Variants in ARHGAP44 observed in about 807,000 individuals in gnomAD.
The protein encoded by ARHGAP44 is Rho GTPase activating protein 44.
A neutral mutation model predicts 106.8 loss-of-function variants in ARHGAP44; 43 were observed. The observed-to-expected ratio is 0.40, with a 90% CI of 0.32 to 0.52. The LOEUF (loss-of-function observed/expected upper bound fraction) is 0.52. Ranked by LOEUF, ARHGAP44 falls within the 20% of genes least tolerant of loss-of-function variation. The pLI, the probability that ARHGAP44 is intolerant of heterozygous loss-of-function variation, is 0.48. For missense variants in ARHGAP44, 866 were observed against 1,050.5 expected (o/e 0.82, Z 2.43); for synonymous variants, 439 against 410.3 (o/e 1.07, Z -0.85).
At chr17:12,979,914 T>G in intron 18 of ARHGAP44, 144 bp from the exon 19 acceptor site, 3 of 846,384 alleles carry the variant, frequency 3.5e-6, no homozygotes, top group Non-Finnish European at 5.2e-6. Flanking sequence ...CCTGCGAAGG[T>G]TTTAGGAAGG....
At chr17:12,796,390 T>C (rs1463454395) in intron 1 of ARHGAP44, among the ~76,000 whole-genome samples, 1 of 152,188 alleles carries the variant, frequency 6.6e-6, no homozygotes, top group African/African-American at 2.4e-5. Context: ...GTCTTAGAAA[T>C]GTAATTGCTG....
chr17:12,890,994 A>G (rs769040470), intron 1 of ARHGAP44, among the ~76,000 whole-genome samples: 14 of 152,162 alleles, frequency 9.2e-5, no homozygotes, highest in Non-Finnish European at 1.8e-4. Context: ...TTCAGTTTCT[A>G]ATAAGATATT....
intron 1 of ARHGAP44, among the ~76,000 whole-genome samples, chr17:12,821,892 T>C (rs1374051129): frequency 6.6e-6 from 1 of 152,222 alleles, no homozygotes; most frequent in Non-Finnish European, 1.5e-5. Context: ...TTGATTTTGA[T>C]TGGCATCTCC....
In ARHGAP44 at chr17:12,930,286, T is replaced by G. The variant is rs186271490; in HGVS notation, c.582+1240T>G. 8.0e-4 allele frequency among the ~76,000 whole-genome samples: 121 copies of G among 152,114 alleles called. 1 individual carries two copies. Among genetic ancestry groups the G allele is most frequent in the African/African-American group, 2.8e-3 (117 of 41,514 alleles). On this transcript the variant is annotated intron_variant, in intron 7 of 20. Transcript: ENST00000379672. ...TTCGTTCTTGTTGCCCATGCTGGAG[T>G]GCAATGGCACGGTCTTGGCTCACCG...
chr17:12,800,656 G>A lies in ARHGAP44; in HGVS notation c.53+10765G>A, dbSNP rs571775203. The stretch of plus-strand genomic sequence containing the variant: ...AGAAGCCACATCTGTGTCATCTGTT[G>A]TCAGGAACTAGGCTATGTAGTTTAT... On this transcript the variant is annotated intron_variant, in intron 1 of 20. Coordinates refer to ENST00000379672, the MANE Select transcript of ARHGAP44 (RefSeq NM_014859.6). Among the ~76,000 whole-genome samples the A allele has an allele frequency of 7.9e-5, 12 of 152,338 alleles. No homozygotes were observed. The South Asian group carries it at 1.0e-3, about 13-fold the overall frequency.
intron 1 of ARHGAP44, among the ~76,000 whole-genome samples, chr17:12,844,977 GAGTT>G (rs1468456279): frequency 1.3e-5 from 2 of 152,246 alleles, no homozygotes; most frequent in Non-Finnish European, 2.9e-5. Context: ...CATTTGCCGA[GAGTT>G]AGGCTCAGAT....
intron 1 of ARHGAP44, among the ~76,000 whole-genome samples, chr17:12,802,954 TATATATATA>T (rs1463755845): frequency 9.1e-4 from 22 of 24,254 alleles, no homozygotes; most frequent in African/African-American, 8.8e-3. Context: ...TATATATATA[TATATATATA>T]TATATATTTT....
intron 7 of ARHGAP44, 84 bp downstream of exon 7, chr17:12,929,130 A>T (rs1230419019): frequency 7.8e-7 from 1 of 1,274,934 alleles, no homozygotes; most frequent in African/African-American, 1.5e-5. Context: ...AGTTCTCTTA[A>T]AACTCTGTCA....
intron 1 of ARHGAP44, among the ~76,000 whole-genome samples, chr17:12,817,274 T>C (rs886306731): frequency 4.6e-5 from 7 of 152,040 alleles, no homozygotes; most frequent in African/African-American, 1.4e-4. Context: ...TTGGAGGGAA[T>C]GTAATAGCAT....
chr17:12,936,601 A>C (rs1242058511), intron 7 of ARHGAP44, among the ~76,000 whole-genome samples: 1 of 152,224 alleles, frequency 6.6e-6, no homozygotes, highest in African/African-American at 2.4e-5. Context: ...CTACTGAAGG[A>C]CATTTTTGTG....
intron 18 of ARHGAP44, among the ~76,000 whole-genome samples, chr17:12,975,849 G>T (rs893132370): frequency 7.2e-6 from 1 of 138,402 alleles, no homozygotes; most frequent in Non-Finnish European, 1.6e-5. Context: ...CCCTTAAAAA[G>T]TTCACGTTCC....
intron 1 of ARHGAP44, among the ~76,000 whole-genome samples, chr17:12,821,596 A>C (rs992647638): frequency 9.9e-5 from 15 of 152,174 alleles, no homozygotes; most frequent in African/African-American, 3.4e-4. Context: ...ACCGTGAGCT[A>C]GAGAGCCATT....
chr17:12,939,857 A>G (rs949265630), intron 7 of ARHGAP44, among the ~76,000 whole-genome samples: 1 of 152,194 alleles, frequency 6.6e-6, no homozygotes, highest in African/African-American at 2.4e-5. Context: ...TCTCTGGAGA[A>G]CACACTTCCT....
In ARHGAP44 at chr17:12,843,651, C is replaced by CTTT. The variant is rs146749216; in HGVS notation, c.54-51268_54-51266dup. 2.0e-3 allele frequency among the ~76,000 whole-genome samples: 195 copies of CTTT among 97,102 alleles called. 2 individuals are homozygous for CTTT. The highest frequency in any genetic ancestry group is 6.0e-3 in the African/African-American group (122 of 20,354). 63.7% of individuals were successfully genotyped at this position (97,102 alleles called of 152,430 possible). A position where few individuals can be genotyped will look rare whatever the true frequency, so the allele number is the denominator to read the frequency against. On this transcript the variant is annotated intron_variant, in intron 1 of 20. Coordinates refer to ENST00000379672, the MANE Select transcript of ARHGAP44 (RefSeq NM_014859.6). ...TACATTCTCCCATAAGTATTGGTTA[C>CTTT]TTTTTTTTTTTTTTTTTTTTTTTGA...
chr17:12,860,431 G>A (rs7218185), intron 1 of ARHGAP44, among the ~76,000 whole-genome samples: 94,538 of 151,968 alleles, frequency 0.62, 30,157 homozygotes, highest in Non-Finnish European at 0.68. Context: ...ATTTATTGGT[G>A]TTTCCTCTTT....
chr17:12,822,810 T>A (rs1461369529), intron 1 of ARHGAP44, among the ~76,000 whole-genome samples: 1 of 152,166 alleles, frequency 6.6e-6, no homozygotes, highest in Non-Finnish European at 1.5e-5. Context: ...CTTAGGTAAT[T>A]CAGTGTGAAG....
intron 1 of ARHGAP44, among the ~76,000 whole-genome samples, chr17:12,868,625 A>C (rs2036310473): frequency 7.5e-6 from 1 of 133,502 alleles, no homozygotes; most frequent in Non-Finnish European, 1.6e-5. Context: ...ATATATATAT[A>C]TATATATGAA....
intron 6 of ARHGAP44, among the ~76,000 whole-genome samples, chr17:12,927,011 A>G (rs1367666334): frequency 6.6e-6 from 1 of 152,206 alleles, no homozygotes; most frequent in African/African-American, 2.4e-5. Context: ...AGTATTAATC[A>G]AATATATCAC....
In ARHGAP44 at chr17:12,928,245, T is replaced by A. The variant is rs370817189; in HGVS notation, c.465-684T>A. On this transcript the variant is annotated intron_variant, in intron 6 of 20. Transcript: ENST00000379672. ...TTTGCTATCAGATTTGTTTTTAATCTTACCAGCATGTCTTCTCACTTAGCA... is the reference window on the plus strand; with the variant it reads ...TTTGCTATCAGATTTGTTTTTAATCATACCAGCATGTCTTCTCACTTAGCA... 1.3e-3 allele frequency among the ~76,000 whole-genome samples: 205 copies of A among 152,362 alleles called. 7 individuals carry two copies. The South Asian group carries it at 0.041, about 30-fold the overall frequency.
Sources: gnomAD v4.1 joint callset for allele counts (sites outside exome capture counted in the v4.1 genomes callset) on GRCh38, gnomAD v4.1.1 for gene constraint, MANE v1.5 for transcripts, NCBI Gene and HGNC (gene_info 2026-07-23, HGNC 2026-07-21) for gene names.